The following TLR6 variants were observed in gnomAD, a reference collection of about 807,000 sequenced individuals.
TLR6 encodes the protein toll-like receptor 6.
A neutral mutation model predicts 16.1 loss-of-function variants in TLR6; 9 were observed. The ratio of observed to expected loss-of-function variants is 0.56; its 90% CI spans 0.34 to 0.98. The LOEUF (loss-of-function observed/expected upper bound fraction) is 0.98, where lower values mean the gene tolerates loss of function less well. Among genes scored for constraint, TLR6 ranks in the 50% least tolerant of loss-of-function variants. TLR6 has a pLI of 0.02. For synonymous variants in TLR6, 340 were observed against 338.6 expected (o/e 1.00, Z -0.04); for missense variants, 786 against 921.0 (o/e 0.85, Z 1.90).
At chr4:38,867,433 C>G in the TLR6 span, among the ~76,000 whole-genome samples, 1 of 152,222 alleles carries the variant, frequency 6.6e-6, no homozygotes, top group African/African-American at 2.4e-5. Flanking sequence ...CAAGGGAGTG[C>G]TGCTTAACGC....
At chr4:38,868,027 G>A in the TLR6 span, 1 of 424,460 alleles carries the variant, frequency 2.4e-6, no homozygotes, top group Non-Finnish European at 4.8e-6. Flanking sequence ...GGGCGGCGCG[G>A]CCGAGGGACC....
chr4:38,866,699 T>G, the TLR6 span, among the ~76,000 whole-genome samples: 1 of 152,118 alleles, frequency 6.6e-6, no homozygotes, highest in African/African-American at 2.4e-5. Flanking sequence ...GGGGGAAATT[T>G]ACAAAATACG....
chr4:38,865,050 A>G, the TLR6 span, among the ~76,000 whole-genome samples: 1 of 152,186 alleles, frequency 6.6e-6, no homozygotes, highest in African/African-American at 2.4e-5. Context: ...GGGATATACA[A>G]CCACCTCAAG....
At chr4:38,845,607 AG>A (rs1193003249) in intron 1 of TLR6, among the ~76,000 whole-genome samples, 2 of 152,226 alleles carry the variant, frequency 1.3e-5, no homozygotes. Context: ...AGCAGCCTCT[AG>A]AAGTTTGAAA....
chr4:38,854,122 G>C (rs1179309084), intron 1 of TLR6, among the ~76,000 whole-genome samples: 4 of 152,044 alleles, frequency 2.6e-5, no homozygotes, highest in Non-Finnish European at 5.9e-5. Flanking sequence ...ACTATTTACT[G>C]AATAATTTGC....
intron 1 of TLR6, among the ~76,000 whole-genome samples, chr4:38,849,930 A>G (rs1712697830): frequency 6.6e-6 from 1 of 152,220 alleles, no homozygotes; most frequent in Admixed American, 6.5e-5. Flanking sequence ...TCAACAGAAT[A>G]TATATTTTTC....
exon 2 of TLR6, chr4:38,826,068 C>T (rs1727534936): frequency 6.6e-6 from 1 of 152,460 alleles, no homozygotes; most frequent in Non-Finnish European, 1.5e-5. Context: ...AGCCACACCA[C>T]ATCTGCTGCA....
At chr4:38,827,700 C>A (rs370754613) in exon 2 of TLR6, 5 of 1,614,054 alleles carry the variant, frequency 3.1e-6, no homozygotes, top group Non-Finnish European at 4.2e-6. Context: ...ATGGTGGCAC[C>A]GATGGTGACG....
the TLR6 span, among the ~76,000 whole-genome samples, chr4:38,867,248 T>C: frequency 9.8e-5 from 15 of 152,358 alleles, 1 homozygote; most frequent in East Asian, 2.9e-3. Context: ...TGTACATACA[T>C]ATTTGCCCAT....
intron 1 of TLR6, among the ~76,000 whole-genome samples, chr4:38,833,384 G>C (rs898083286): frequency 1.3e-5 from 2 of 152,214 alleles, no homozygotes; most frequent in African/African-American, 4.8e-5. Flanking sequence ...CCTTGCCATA[G>C]TGTCTGCTGA....
At chr4:38,862,489 C>A in the TLR6 span, among the ~76,000 whole-genome samples, 4 of 151,976 alleles carry the variant, frequency 2.6e-5, no homozygotes, top group Admixed American at 2.0e-4. Flanking sequence ...CCATGTTGGC[C>A]AGGCTGGTTT....
chr4:38,839,838 G>A (rs1339056150), intron 1 of TLR6, among the ~76,000 whole-genome samples: 1 of 152,176 alleles, frequency 6.6e-6, no homozygotes, highest in Non-Finnish European at 1.5e-5. Context: ...GGCCTATTGG[G>A]GCATTTGGGT....
intron 1 of TLR6, among the ~76,000 whole-genome samples, chr4:38,846,114 A>T (rs1014777792): frequency 2.6e-5 from 4 of 151,808 alleles, no homozygotes; most frequent in African/African-American, 9.7e-5. Flanking sequence ...AAAAGAAAAG[A>T]AAAGAAAATT....
At position 38,828,738 on chromosome 4, in the gene TLR6, T is replaced by C. The variant is rs762110899; in HGVS notation, c.736A>G (p.Thr246Ala). 2.5e-6 allele frequency: 4 copies of C among 1,613,820 alleles called. No homozygotes were observed. The Admixed American group carries it at 6.7e-5, about 27-fold the overall frequency. ...AAATTCAGTAAGGTTGAACCTCTGG[T>C]GAGTTCTGATAAAAATTTAATGAAA... The change falls in exon 2 of 2, where the codon ACC becomes GCC. Residue 246 changes from threonine to alanine, a missense_variant. Thr to Ala is a moderately conservative substitution (Grantham distance 58). Transcript: ENST00000436693.
intron 1 of TLR6, among the ~76,000 whole-genome samples, chr4:38,850,517 A>T (rs988742855): frequency 1.3e-5 from 2 of 152,248 alleles, no homozygotes; most frequent in Admixed American, 1.3e-4. Context: ...AGAAATATCA[A>T]ATCAACGCAA....
intron 1 of TLR6, among the ~76,000 whole-genome samples, chr4:38,855,915 G>C (rs1410569904): frequency 6.6e-6 from 1 of 151,976 alleles, no homozygotes; most frequent in African/African-American, 2.4e-5. Flanking sequence ...CAAATAAAAA[G>C]GGTGAGGAAA....
At chr4:38,863,708 C>G in the TLR6 span, among the ~76,000 whole-genome samples, 1 of 152,164 alleles carries the variant, frequency 6.6e-6, no homozygotes, top group Non-Finnish European at 1.5e-5. Flanking sequence ...GCAAACACCT[C>G]TCATGTCCCC....
intron 1 of TLR6, among the ~76,000 whole-genome samples, chr4:38,853,808 C>T (rs1712862966): frequency 6.6e-6 from 1 of 152,016 alleles, no homozygotes; most frequent in Non-Finnish European, 1.5e-5. Flanking sequence ...CTCAATTATC[C>T]AAAAATAGCA....
chr4:38,848,359 T>C (rs2109464716), intron 1 of TLR6, among the ~76,000 whole-genome samples: 1 of 152,212 alleles, frequency 6.6e-6, no homozygotes, highest in Admixed American at 6.5e-5. Flanking sequence ...AGCTGAAAAT[T>C]CTAAAAATCA....
Sources: gnomAD v4.1 joint callset for allele counts (sites outside exome capture counted in the v4.1 genomes callset) on GRCh38, gnomAD v4.1.1 for gene constraint, MANE v1.5 for transcripts, NCBI Gene and HGNC (gene_info 2026-07-23, HGNC 2026-07-21) for gene names.